The following WDR64 variants were observed in gnomAD, a reference collection of about 807,000 sequenced individuals.
The protein encoded by WDR64 is WD repeat domain 64, also known as WD repeat-containing protein 64.
In WDR64, 112 loss-of-function variants were observed where a neutral mutation model predicts 139.3. That is an observed-to-expected ratio of 0.80 (90% CI 0.69 to 0.94). The LOEUF (loss-of-function observed/expected upper bound fraction) is 0.94, where lower values mean the gene tolerates loss of function less well. Ranked by LOEUF, WDR64 falls within the 40% of genes least tolerant of loss-of-function variation. The pLI, the probability that WDR64 is intolerant of heterozygous loss-of-function variation, is 0.00. For synonymous variants in WDR64, 444 were observed against 437.7 expected (o/e 1.01, Z -0.18); for missense variants, 1,206 against 1,293.1 (o/e 0.93, Z 1.03).
rs1330401965 is a variant in WDR64, at chr1:241,723,307, G to A, written c.1065G>A (p.Lys355=). 1.9e-6 allele frequency: 3 copies of A among 1,613,660 alleles called. No individual in the cohort carries two copies. Among genetic ancestry groups the A allele is most frequent in the East Asian group, 4.5e-5 (2 of 44,880 alleles). Residue 355 remains lysine, a synonymous_variant, in exon 10 of 28, where the codon AAG becomes AAA. Transcript: ENST00000437684. ...ANVIVTGGDD[K]VIRLWHPNIS... ...TGTCCTCCTTTTCAGGAGATGATAAGGTCATCCGGTTGTGGCACCCCAATA... is the reference window on the plus strand; with the variant it reads ...TGTCCTCCTTTTCAGGAGATGATAAAGTCATCCGGTTGTGGCACCCCAATA...
chr1:241,659,824 A>C (rs1665752617), intron 1 of WDR64, among the ~76,000 whole-genome samples: 1 of 152,104 alleles, frequency 6.6e-6, no homozygotes, highest in African/African-American at 2.4e-5. Context: ...TGTCAGATGG[A>C]TAGATTGCAA....
At chr1:241,729,834 T>C (rs960224700) in intron 10 of WDR64, among the ~76,000 whole-genome samples, 20 of 150,608 alleles carry the variant, frequency 1.3e-4, no homozygotes, top group Admixed American at 1.3e-3. Flanking sequence ...TTATCATAAA[T>C]GATGCAAGTT....
At chr1:241,742,318 A>C (rs1669578211) in intron 12 of WDR64, among the ~76,000 whole-genome samples, 1 of 152,200 alleles carries the variant, frequency 6.6e-6, no homozygotes, top group Admixed American at 6.5e-5. Context: ...GCTGGGTAAA[A>C]TGAGGCTGAG....
intron 12 of WDR64, among the ~76,000 whole-genome samples, chr1:241,742,892 C>G (rs533849178): frequency 1.3e-5 from 2 of 152,246 alleles, no homozygotes; most frequent in African/African-American, 4.8e-5. Flanking sequence ...CTGAAGTCAT[C>G]CGGCAGTGAT....
intron 20 of WDR64, among the ~76,000 whole-genome samples, chr1:241,774,062 T>G (rs2148305858): frequency 6.6e-6 from 1 of 152,242 alleles, no homozygotes; most frequent in Admixed American, 6.5e-5. Flanking sequence ...TAGGGTGGAA[T>G]TAAGAGGACA....
chr1:241,756,447 T>C (rs1309777865), intron 14 of WDR64, among the ~76,000 whole-genome samples: 3 of 152,158 alleles, frequency 2.0e-5, no homozygotes, highest in Admixed American at 6.5e-5. Context: ...CTTAAGGAGA[T>C]TTTGGGCTGA....
At chr1:241,731,401 A>T (rs1669073462) in intron 10 of WDR64, among the ~76,000 whole-genome samples, 1 of 152,180 alleles carries the variant, frequency 6.6e-6, no homozygotes, top group Admixed American at 6.5e-5. Flanking sequence ...CATAGATGTA[A>T]GCTCTTTATA....
intron 9 of WDR64, among the ~76,000 whole-genome samples, chr1:241,720,578 T>A (rs1668570492): frequency 6.6e-6 from 1 of 152,154 alleles, no homozygotes; most frequent in Non-Finnish European, 1.5e-5. Flanking sequence ...TTTTAATATG[T>A]TTTTTGGCCG....
intron 8 of WDR64, among the ~76,000 whole-genome samples, chr1:241,709,956 A>G (rs1247229123): frequency 6.6e-6 from 1 of 152,226 alleles, no homozygotes; most frequent in Non-Finnish European, 1.5e-5. Flanking sequence ...AATAAAAAAA[A>G]AGAACAGTTT....
At chr1:241,755,303 C>T (rs1378087173) in intron 14 of WDR64, among the ~76,000 whole-genome samples, 1 of 152,202 alleles carries the variant, frequency 6.6e-6, no homozygotes, top group Non-Finnish European at 1.5e-5. Context: ...TTTTGATTTG[C>T]ATTTCTCTAA....
Position 241,757,326 on chromosome 1 carries a change from C to T in WDR64, c.1814C>T (p.Pro605Leu). The change falls in exon 15 of 28, where the codon CCT becomes CTT. Residue 605 changes from proline to leucine, a missense_variant. Physicochemically the swap from Pro to Leu is moderately conservative, Grantham distance 98 (BLOSUM62 -3). Transcript: ENST00000437684. ...TACCTCATGGTGATCTGGGAGCTGC[C>T]TGATGTTGTGCCTTTCCTACAAGAT... The part of the protein sequence containing the change: ...DIYLMVIWEL[P>L]DVVPFLQDGK... 6.2e-7 allele frequency: 1 copy of T among 1,613,994 alleles called. No homozygotes were observed. The highest frequency in any genetic ancestry group is 8.5e-7 in the Non-Finnish European group (1 of 1,179,964).
At chr1:241,675,787 A>C (rs187386472) in intron 4 of WDR64, among the ~76,000 whole-genome samples, 8 of 152,362 alleles carry the variant, frequency 5.3e-5, no homozygotes, top group African/African-American at 1.2e-4. Context: ...AGTGAGGGTC[A>C]AATGAGAGAA....
rs563600509 is a variant in WDR64 at position 241,727,263 on chromosome 1, C to T, written c.1194+3827C>T. Reference sequence around the variant, plus strand: ...AGACACTAAAACTAAAAACATGTTACGATTGAGACCTGGAGTCTCCTACAG... The same window carrying T: ...AGACACTAAAACTAAAAACATGTTATGATTGAGACCTGGAGTCTCCTACAG... On this transcript the variant is annotated intron_variant, in intron 10 of 27. Transcript: ENST00000437684. Among the ~76,000 whole-genome samples the T allele has an allele frequency of 5.4e-4, 82 of 152,252 alleles. No homozygotes were observed. The Middle Eastern group carries it at 0.01, about 19-fold the overall frequency.
intron 8 of WDR64, among the ~76,000 whole-genome samples, chr1:241,695,197 G>A (rs1667436669): frequency 6.6e-6 from 1 of 152,160 alleles, no homozygotes; most frequent in African/African-American, 2.4e-5. Flanking sequence ...AACAAAGGCA[G>A]TAAATACTCA....
chr1:241,658,326 T>C (rs995907388), intron 1 of WDR64, among the ~76,000 whole-genome samples: 17 of 151,764 alleles, frequency 1.1e-4, no homozygotes, highest in African/African-American at 3.1e-4. Context: ...TGTGTTTACA[T>C]AGAGTTTAAG....
intron 10 of WDR64, among the ~76,000 whole-genome samples, chr1:241,737,309 G>A (rs1280993355): frequency 6.6e-6 from 1 of 152,198 alleles, no homozygotes; most frequent in African/African-American, 2.4e-5. Context: ...ACAACTTTGT[G>A]TTCTTACATA....
intron 10 of WDR64, 98 bp downstream of exon 10, chr1:241,723,534 T>C (rs1668689211): frequency 2.3e-6 from 3 of 1,324,190 alleles, no homozygotes; most frequent in East Asian, 5.1e-5. Context: ...AAATAAATGA[T>C]AGTCATTGAA....
intron 8 of WDR64, among the ~76,000 whole-genome samples, chr1:241,710,143 G>T (rs533517173): frequency 1.3e-5 from 2 of 151,954 alleles, no homozygotes; most frequent in African/African-American, 4.8e-5. Flanking sequence ...CTGCTTGTGT[G>T]TCTCAGTTCT....
intron 1 of WDR64, among the ~76,000 whole-genome samples, chr1:241,653,856 A>G (rs545659297): frequency 2.0e-4 from 30 of 151,934 alleles, no homozygotes; most frequent in Non-Finnish European, 3.8e-4. Flanking sequence ...AAGTCACCCA[A>G]CTTCTAAGTG....
Sources: gnomAD v4.1 joint callset for allele counts (sites outside exome capture counted in the v4.1 genomes callset) on GRCh38, gnomAD v4.1.1 for gene constraint, MANE v1.5 for transcripts, NCBI Gene and HGNC (gene_info 2026-07-23, HGNC 2026-07-21) for gene names.